Variants in ATG2A observed in about 807,000 individuals in gnomAD.
The protein encoded by ATG2A is autophagy-related protein 2 homolog A.
Under a neutral mutation model 214.2 loss-of-function variants are expected in ATG2A, and 103 were observed. That is an observed-to-expected ratio of 0.48 (90% confidence interval 0.41 to 0.57). The LOEUF is 0.57. Ranked by LOEUF, ATG2A falls within the 20% of genes least tolerant of loss-of-function variation. The probability of loss-of-function intolerance (pLI) is 0.00; values close to 1 mark genes in which losing one functional copy is unlikely to be tolerated. For synonymous variants in ATG2A, 1,160 were observed against 1,142.1 expected (o/e 1.02, Z -0.32); for missense variants, 2,312 against 2,613.2 (o/e 0.88, Z 2.51).
Position 64,895,063 on chromosome 11 carries a change from G to T in ATG2A, c.5727C>A (p.Ser1909=). The T allele has an allele frequency of 1.2e-6, 2 of 1,613,260 alleles. No individual in the cohort carries two copies. Among genetic ancestry groups the T allele is most frequent in the Non-Finnish European group, 1.7e-6 (2 of 1,179,794 alleles). The change falls in exon 41 of 41, where the codon TCC becomes TCA. Residue 1909 remains serine, a synonymous_variant. Coordinates refer to ENST00000377264, the MANE Select transcript of ATG2A (RefSeq NM_015104.3). This position sits in a 1 kb window ranked among gnomAD's most constrained non-coding sequence, Gnocchi z 5.0. The stretch of plus-strand genomic sequence containing the variant: ...GGTTGCGCATGCCCCCGAGCAGGCT[G>T]GACGTGGCCTCCGTGGCCAGGATGA... The part of the protein sequence containing the change: ...KPLILATEAT[S]SLLGGMRNQI...
chr11:64,898,544 G>T lies in ATG2A; in HGVS notation c.4671+92C>A. The T allele has an allele frequency of 1.4e-6, 2 of 1,463,388 alleles. No homozygotes were observed. The highest frequency in any genetic ancestry group is 1.9e-6 in the Non-Finnish European group (2 of 1,055,978). The allele number at this position is 1,463,388 out of a possible 1,614,324, so 90.7% of individuals were successfully genotyped here. A position where few individuals can be genotyped will look rare whatever the true frequency, so the allele number is the denominator to read the frequency against. ...ACAACCTGGGTGTTTGTGTGGGAAT[G>T]CGTGTATGTGTGTGAATCCATGCAT... On this transcript the variant is annotated intron_variant, in intron 32 of 40. Coordinates refer to ENST00000377264, the MANE Select transcript of ATG2A (RefSeq NM_015104.3). The surrounding 1 kb of genome is among the most constrained non-coding windows in gnomAD (Gnocchi z 4.5).
In ATG2A at chr11:64,901,063, C is replaced by T; in HGVS notation, c.4149G>A (p.Gln1383=). 1 of 1,578,318 alleles carries T rather than the reference C, an allele frequency of 6.3e-7. No homozygotes were observed. The highest frequency in any genetic ancestry group is 8.6e-7 in the Non-Finnish European group (1 of 1,162,190). The part of the protein sequence containing the change: ...PPRDGEPVVT[Q]LHPGPIVVRD... ...TCACAACGATGGGGCCGGGATGCAG[C>T]TGTGTCACCACAGGCTCCCCATCTC... The change falls in exon 30 of 41, where the codon CAG becomes CAA. Residue 1383 remains glutamine (Q), a synonymous_variant. Coordinates refer to ENST00000377264, the MANE Select transcript of ATG2A (RefSeq NM_015104.3).
Position 64,909,114 on chromosome 11 carries a change from T to C in ATG2A, c.2241A>G (p.Thr747=). 1 of 1,612,554 alleles carries C rather than the reference T, an allele frequency of 6.2e-7. No individual in the cohort carries two copies. The highest frequency in any genetic ancestry group is 8.5e-7 in the Non-Finnish European group (1 of 1,179,672). ...VVTVNPQSSS[T]QWEVAPEKGE... Reference sequence around the variant, plus strand: ...CCTTCTCCGGGGCCACCTCCCACTGTGTGCTGCTGGACTGGGGGTTCACAG... The same window carrying C: ...CCTTCTCCGGGGCCACCTCCCACTGCGTGCTGCTGGACTGGGGGTTCACAG... Residue 747 remains threonine, a synonymous_variant, in exon 16 of 41, where the codon ACA becomes ACG. Transcript: ENST00000377264.
In ATG2A at chr11:64,896,556, A is replaced by T. The variant is rs1944158724; in HGVS notation, c.5333T>A (p.Leu1778His). 1 of 1,613,938 alleles carries T rather than the reference A, an allele frequency of 6.2e-7. No homozygotes were observed. Among genetic ancestry groups the T allele is most frequent in the East Asian group, 2.2e-5 (1 of 44,888 alleles). The change falls in exon 39 of 41, where the codon CTC becomes CAC. Residue 1778 changes from leucine to histidine, a missense_variant. Transcript: ENST00000377264. ...AGCCCCTCGCTGCAGCCCCCGCATG[A>T]GGCGGCCATCCTTCCTGTACTGCTC... The part of the protein sequence containing the change: ...PIEQYRKDGR[L>H]MRGLQRGAAS...
rs377360575 is a variant in ATG2A, at chr11:64,912,030, G to A, written c.1088-48C>T. On this transcript the variant is annotated intron_variant, in intron 8 of 40. Transcript: ENST00000377264. ...CAGGGACAGCCGACCCCAGCCCCTA[G>A]GCTGCTGCACCCACACTAGCTGCCC... The A allele has an allele frequency of 1.5e-5, 25 of 1,613,332 alleles. No homozygotes were observed. In the African/African-American group the frequency reaches 2.8e-4, roughly 18 times the overall value.
At chr11:64,908,888 T>C (rs1033700944) in intron 16 of ATG2A, 103 bp downstream of exon 16, 19 of 1,346,872 alleles carry the variant, frequency 1.4e-5, no homozygotes, top group Admixed American at 2.1e-5. Context: ...CCACCCCAGG[T>C]GGTCGTGCTG....
At chr11:64,909,240 C>T (rs1590648757) in intron 15 of ATG2A, 31 bp downstream of exon 15, 1 of 1,612,822 alleles carries the variant, frequency 6.2e-7, no homozygotes, top group Middle Eastern at 1.7e-4. Flanking sequence ...GAACCCTCCT[C>T]TCCTGGGCCC....
Position 64,898,695 on chromosome 11 carries a change from T to C in ATG2A, c.4612A>G (p.Asn1538Asp). Residue 1538 changes from asparagine (N) to aspartate (D), a missense_variant, in exon 32 of 41, where the codon AAC becomes GAC. Physicochemically the swap from Asn to Asp is conservative, Grantham distance 23. Transcript: ENST00000377264. The surrounding 1 kb of genome is among the most constrained non-coding windows in gnomAD (Gnocchi z 4.5). ...CTCGTGTGTAGGTACAGGAACTTGTTGATCTGGGAGGAGGCGAGCCGGTCT... is the reference window on the plus strand; with the variant it reads ...CTCGTGTGTAGGTACAGGAACTTGTCGATCTGGGAGGAGGCGAGCCGGTCT... The part of the protein sequence containing the change: ...VRDRLASSQI[N>D]KFLYLHTSER... The C allele has an allele frequency of 6.2e-7, 1 of 1,614,008 alleles. No homozygotes were observed. Among genetic ancestry groups the C allele is most frequent in the Non-Finnish European group, 8.5e-7 (1 of 1,180,018 alleles).
intron 12 of ATG2A, 93 bp from the exon 13 acceptor site, chr11:64,910,288 G>A (rs1944719284): frequency 6.7e-7 from 1 of 1,484,102 alleles, no homozygotes; most frequent in Admixed American, 2.3e-5. Flanking sequence ...AAGAGCTGGG[G>A]CAGGGGCCAC....
Position 64,917,014 on chromosome 11 carries a change from T to C in ATG2A, c.122A>G (p.Asp41Gly). 1.2e-6 allele frequency: 2 copies of C among 1,613,856 alleles called. No homozygotes were observed. The highest frequency in any genetic ancestry group is 1.7e-6 in the Non-Finnish European group (2 of 1,180,004). The part of the protein sequence containing the change: ...EHLSLDQLSL[D>G]LYKGSVALRD... ...CAGGGCAACGCTGCCCTTGTACAGATCGAGGCTGAGCTGGTCCAGGCTGAG... is the reference window on the plus strand; with the variant it reads ...CAGGGCAACGCTGCCCTTGTACAGACCGAGGCTGAGCTGGTCCAGGCTGAG... Residue 41 changes from aspartate to glycine, a missense_variant, in exon 1 of 41, where the codon GAT becomes GGT. By Grantham distance (94) the Asp-to-Gly change is moderately conservative (BLOSUM62 -1). Coordinates refer to ENST00000377264, the MANE Select transcript of ATG2A (RefSeq NM_015104.3).
Position 64,900,502 on chromosome 11 carries a change from G to A in ATG2A, c.4456C>T (p.Leu1486=). 1 of 1,613,510 alleles carries A rather than the reference G, an allele frequency of 6.2e-7. No individual in the cohort carries two copies. The highest frequency in any genetic ancestry group is 8.5e-7 in the Non-Finnish European group (1 of 1,180,028). Residue 1486 remains leucine, a synonymous_variant, in exon 31 of 41, where the codon CTG becomes TTG. Coordinates refer to ENST00000377264, the MANE Select transcript of ATG2A (RefSeq NM_015104.3). ...CTCGCCACCCCACTCACCTTGCTCA[G>A]CTGGATCTCCATGAGGACATGGTGC... ...RQHHVLMEIQ[L]SKVSFQHEVY...
chr11:64,904,566 AG>A (rs1944472486), intron 24 of ATG2A, among the ~76,000 whole-genome samples: 1 of 152,114 alleles, frequency 6.6e-6, no homozygotes, highest in South Asian at 2.1e-4. Context: ...TAAATAAAAA[AG>A]TCTTTATTTT....
In ATG2A at chr11:64,903,582, C is replaced by A; in HGVS notation, c.3535+8G>T. ...GAGGGGAGGGAGCCCAGTCCCGGCC[C>A]TGCCCACCTCGCCGCAGGTCCAGGG... On this transcript the variant is annotated splice_region_variant and intron_variant, in intron 25 of 40. Coordinates refer to ENST00000377264, the MANE Select transcript of ATG2A (RefSeq NM_015104.3). This position sits in a 1 kb window ranked among gnomAD's most constrained non-coding sequence, Gnocchi z 4.2. 1 of 1,546,470 alleles carries A rather than the reference C, an allele frequency of 6.5e-7. No individual in the cohort carries two copies. The highest frequency in any genetic ancestry group is 8.7e-7 in the Non-Finnish European group (1 of 1,144,138).
At position 64,898,629 on chromosome 11, in the gene ATG2A, C is replaced by T. The variant is rs1944242563; in HGVS notation, c.4671+7G>A. The stretch of plus-strand genomic sequence containing the variant: ...GCCCCAGGGTGGATGGTGCAGGTCG[C>T]TCATACCATGTTAGAGTGGGCACGT... On this transcript the variant is annotated splice_region_variant and intron_variant, in intron 32 of 40. Transcript: ENST00000377264. The surrounding 1 kb of genome is among the most constrained non-coding windows in gnomAD (Gnocchi z 4.5). 2.5e-6 allele frequency: 4 copies of T among 1,612,736 alleles called. No homozygotes were observed. The highest frequency in any genetic ancestry group is 3.4e-6 in the Non-Finnish European group (4 of 1,178,860).
chr11:64,902,732 T>TC lies in ATG2A; in HGVS notation c.3613-53_3613-52insG, dbSNP rs773568621. On this transcript the variant is annotated intron_variant, in intron 26 of 40. Coordinates refer to ENST00000377264, the MANE Select transcript of ATG2A (RefSeq NM_015104.3). ...CTATGTGAACACAGGGGCCACTGCC[T>TC]GCTGGCCCCACCCGCTCGCTGGGAG... 2.0e-6 allele frequency: 3 copies of TC among 1,536,270 alleles called. No homozygotes were observed. In the South Asian group the frequency reaches 3.5e-5, roughly 18 times the overall value.
At position 64,909,264 on chromosome 11, in the gene ATG2A, T is replaced by G; in HGVS notation, c.2204+7A>C. 1 of 1,613,384 alleles carries G rather than the reference T, an allele frequency of 6.2e-7. No homozygotes were observed. The highest frequency in any genetic ancestry group is 8.5e-7 in the Non-Finnish European group (1 of 1,179,850). ...TCTCCTGGGCCCAGTCCAGAGCCCC[T>G]ACTTACTGGGGCAGGAAGTACTTGC... On this transcript the variant is annotated splice_region_variant and intron_variant, in intron 15 of 40. Transcript: ENST00000377264.
Position 64,905,557 on chromosome 11 carries a change from G to A in ATG2A, c.3464+6C>T, listed in dbSNP as rs1409185684. 2 of 1,608,490 alleles carry A rather than the reference G, an allele frequency of 1.2e-6. No individual in the cohort carries two copies. Among genetic ancestry groups the A allele is most frequent in the Admixed American group, 1.7e-5 (1 of 59,024 alleles). ...GGGATGGCCCAGTGTGGGGCGGCCT[G>A]CATACCTGAGCAGGAAGGTGGAGGT... On this transcript the variant is annotated splice_donor_region_variant and intron_variant, in intron 24 of 40. Transcript: ENST00000377264.
At position 64,914,344 on chromosome 11, in the gene ATG2A, C is replaced by T; in HGVS notation, c.328G>A (p.Gly110Ser). The T allele has an allele frequency of 6.2e-7, 1 of 1,601,736 alleles. No homozygotes were observed. Among genetic ancestry groups the T allele is most frequent in the Non-Finnish European group, 8.5e-7 (1 of 1,174,990 alleles). Residue 110 changes from glycine (G) to serine (S), a missense_variant, in exon 2 of 41, where the codon GGT becomes AGT. Gly to Ser is a moderately conservative substitution (Grantham distance 56). Transcript: ENST00000377264. ...GLQLTLQPRR[G>S]PAPGAADSQS... ...AGCCTCGCCCTGCCCTCACCTGGAC[C>T]CCGGCGGGGCTGCAAGGTGAGCTGG...
rs762594105 is a variant in ATG2A, at chr11:64,894,982, G to A, written c.5808C>T (p.Ala1936=). Residue 1936 remains alanine, a synonymous_variant, in exon 41 of 41, where the codon GCC becomes GCT. Coordinates refer to ENST00000377264, the MANE Select transcript of ATG2A (RefSeq NM_015104.3). Reference sequence around the variant, plus strand: ...GCCGGGCACCCCAGGCTCAGTCTTGGGCACTGTCCGAGCGCCACTTGAGGG... The same window carrying A: ...GCCGGGCACCCCAGGCTCAGTCTTGAGCACTGTCCGAGCGCCACTTGAGGG... ...DHALKWRSDS[A]QD 3 of 1,612,246 alleles carry A rather than the reference G, an allele frequency of 1.9e-6. No individual in the cohort carries two copies. The highest frequency in any genetic ancestry group is 1.1e-5 in the South Asian group (1 of 91,000).
Sources: allele counts gnomAD v4.1 joint callset (sites outside exome capture counted in the v4.1 genomes callset), GRCh38; gene constraint gnomAD v4.1.1; non-coding constraint Gnocchi (gnomAD v3.1); transcripts MANE v1.5; gene names NCBI Gene and HGNC (gene_info 2026-07-23, HGNC 2026-07-21).